Variants in CYP4F22 observed in about 807,000 individuals in gnomAD.
The protein encoded by CYP4F22 is cytochrome P450 family 4 subfamily F member 22, also known as ultra-long-chain fatty acid omega-hydroxylase.
CYP4F22 carries 37 observed loss-of-function variants against 60.4 expected under a neutral mutation model. The ratio of observed to expected loss-of-function variants is 0.61; its 90% CI spans 0.47 to 0.81. CYP4F22 has a LOEUF of 0.81. CYP4F22 is among the 30% of genes least tolerant of loss of function. The pLI, the probability that CYP4F22 is intolerant of heterozygous loss-of-function variation, is 0.00. For synonymous variants in CYP4F22, 258 were observed against 280.5 expected (o/e 0.92, Z 0.80); for missense variants, 655 against 715.0 (o/e 0.92, Z 0.96).
At chr19:15,532,958 G>A (rs950993964) in intron 4 of CYP4F22, among the ~76,000 whole-genome samples, 6 of 152,270 alleles carry the variant, frequency 3.9e-5, no homozygotes, top group African/African-American at 1.4e-4. Flanking sequence ...TGGCCCCAGG[G>A]TGCCCCCACC....
At chr19:15,515,392 G>C in intron 1 of CYP4F22, 1 of 1,237,098 alleles carries the variant, frequency 8.1e-7, no homozygotes, top group Non-Finnish European at 1.2e-6. Flanking sequence ...TGGCATCTCT[G>C]TACTTTGTTG....
intron 10 of CYP4F22, among the ~76,000 whole-genome samples, chr19:15,545,671 A>AAC (rs1971517052): frequency 2.4e-5 from 1 of 41,406 alleles, no homozygotes; most frequent in Non-Finnish European, 4.6e-5. Context: ...AAAAAAAAAA[A>AAC]GAAAAGAAAA....
At chr19:15,513,090 C>T (rs1431302129) in intron 1 of CYP4F22, among the ~76,000 whole-genome samples, 3 of 152,026 alleles carry the variant, frequency 2.0e-5, no homozygotes, top group South Asian at 2.1e-4. Flanking sequence ...CCAGTGTAAA[C>T]GATGAATGGA....
intron 1 of CYP4F22, among the ~76,000 whole-genome samples, chr19:15,519,744 T>G (rs1284201540): frequency 6.6e-6 from 1 of 152,100 alleles, no homozygotes; most frequent in Non-Finnish European, 1.5e-5. Flanking sequence ...AGGTGGCTCC[T>G]GGGGGTGGAT....
rs1971499335 is a variant in CYP4F22 at position 15,544,391 on chromosome 19, T to C, written c.1136+112T>C. The stretch of plus-strand genomic sequence containing the variant: ...TGACCTCAGACAAGCCACTTTAGCT[T>C]CCTGAATTGCAATTTCTTCAGCTAC... On this transcript the variant is annotated intron_variant, in intron 10 of 13. Coordinates refer to ENST00000269703, the MANE Select transcript of CYP4F22 (RefSeq NM_173483.4). 4.6e-6 allele frequency: 6 copies of C among 1,303,814 alleles called. No individual in the cohort carries two copies. The Middle Eastern group carries it at 7.8e-4, about 170-fold the overall frequency. The allele number at this position is 1,303,814 out of a possible 1,614,324, so 80.8% of individuals were successfully genotyped here. A position where few individuals can be genotyped will look rare whatever the true frequency, so the allele number is the denominator to read the frequency against.
At chr19:15,539,942 A>G (rs995338671) in intron 7 of CYP4F22, among the ~76,000 whole-genome samples, 2 of 152,180 alleles carry the variant, frequency 1.3e-5, no homozygotes, top group Non-Finnish European at 2.9e-5. Context: ...TTCTTTGGAG[A>G]AATGCCTATT....
chr19:15,514,526 A>T (rs573220850), intron 1 of CYP4F22, among the ~76,000 whole-genome samples: 19 of 152,226 alleles, frequency 1.2e-4, no homozygotes, highest in South Asian at 4.1e-4. Flanking sequence ...TCTCTATTAA[A>T]AGTACAAAAA....
At chr19:15,543,489 G>C (rs1971486729) in intron 8 of CYP4F22, among the ~76,000 whole-genome samples, 1 of 152,060 alleles carries the variant, frequency 6.6e-6, no homozygotes. Flanking sequence ...ACCATGCTGG[G>C]CACTTTCCAT....
intron 1 of CYP4F22, among the ~76,000 whole-genome samples, chr19:15,510,982 T>C (rs1348687796): frequency 4.0e-4 from 50 of 126,126 alleles, no homozygotes; most frequent in Non-Finnish European, 7.9e-4. Context: ...TTTTTTTTTT[T>C]TGAGATGGAG....
chr19:15,550,988 C>T (rs956031052), intron 13 of CYP4F22, among the ~76,000 whole-genome samples: 3 of 152,152 alleles, frequency 2.0e-5, no homozygotes, highest in Non-Finnish European at 2.9e-5. Flanking sequence ...CTCCCACGCT[C>T]CCATTGGCTC....
chr19:15,517,802 G>A (rs761089066), intron 1 of CYP4F22, among the ~76,000 whole-genome samples: 21 of 152,160 alleles, frequency 1.4e-4, no homozygotes, highest in Non-Finnish European at 2.9e-4. Flanking sequence ...GTGCAAAGGA[G>A]TGGACCATCA....
Position 15,538,033 on chromosome 19 carries a change from C to T in CYP4F22, c.671+40C>T, listed in dbSNP as rs1421748636. 5.0e-6 allele frequency: 8 copies of T among 1,613,016 alleles called. No homozygotes were observed. In the South Asian group the frequency reaches 8.8e-5, roughly 18 times the overall value. ...TCTTGGGAAGATGGAGCCAGCTGCT[C>T]TAGGAGCAAGATGGTGGCAGGAGAA... On this transcript the variant is annotated intron_variant, in intron 7 of 13. Transcript: ENST00000269703.
chr19:15,537,743 T>G, intron 6 of CYP4F22, 81 bp downstream of exon 6: 1 of 1,607,156 alleles, frequency 6.2e-7, no homozygotes, highest in Non-Finnish European at 8.5e-7. Flanking sequence ...GGGCAAGCCA[T>G]GTGATGTCAG....
intron 6 of CYP4F22, 52 bp from the exon 7 acceptor site, chr19:15,537,820 T>C: frequency 6.2e-7 from 1 of 1,612,340 alleles, no homozygotes; most frequent in East Asian, 2.2e-5. Flanking sequence ...CTTGTTAGGC[T>C]GACTCCCTCT....
intron 7 of CYP4F22, among the ~76,000 whole-genome samples, chr19:15,540,189 T>G (rs1971441354): frequency 6.6e-6 from 1 of 152,128 alleles, no homozygotes; most frequent in East Asian, 1.9e-4. Flanking sequence ...ACCCAGCACT[T>G]TGGGAGGCCA....
intron 4 of CYP4F22, among the ~76,000 whole-genome samples, chr19:15,532,710 T>G (rs1971356874): frequency 6.6e-6 from 1 of 151,934 alleles, no homozygotes; most frequent in South Asian, 2.1e-4. Flanking sequence ...TCCTCCCTTC[T>G]CCTCCCCCTC....
intron 1 of CYP4F22, among the ~76,000 whole-genome samples, chr19:15,513,968 T>C (rs1485374240): frequency 6.6e-6 from 1 of 152,226 alleles, no homozygotes; most frequent in Non-Finnish European, 1.5e-5. Context: ...GATCATATCC[T>C]GTAGTGTAGT....
Position 15,551,700 on chromosome 19 carries a change from C to A in CYP4F22, c.*229C>A. ...CGCCCCTTGAGGCTTAGGTCCCGCC[C>A]CCTGACTTCTCGCACCTGTCCTGTT... On this transcript the variant is annotated 3_prime_UTR_variant, in exon 14 of 14. Transcript: ENST00000269703. The A allele has an allele frequency of 1.6e-6, 1 of 610,338 alleles. No homozygotes were observed. The highest frequency in any genetic ancestry group is 2.9e-6 in the Non-Finnish European group (1 of 348,252). The allele number at this position is 610,338 out of a possible 1,614,324, so 37.8% of individuals were successfully genotyped here.
rs759079561 is a variant in CYP4F22, at chr19:15,549,093, G to C, written c.1271-45G>C. On this transcript the variant is annotated intron_variant, in intron 11 of 13. Coordinates refer to ENST00000269703, the MANE Select transcript of CYP4F22 (RefSeq NM_173483.4). Reference sequence around the variant, plus strand: ...CAAGTTGGGGGATGTTTCTGGAGGAGGCCCTGGCTCCCCTTGGCCCCACTG... The same window carrying C: ...CAAGTTGGGGGATGTTTCTGGAGGACGCCCTGGCTCCCCTTGGCCCCACTG... 3.7e-6 allele frequency: 6 copies of C among 1,609,670 alleles called. 1 individual carries two copies. The highest frequency in any genetic ancestry group is 3.4e-6 in the Non-Finnish European group (4 of 1,176,116).
Sources: allele counts gnomAD v4.1 joint callset (sites outside exome capture counted in the v4.1 genomes callset), GRCh38; gene constraint gnomAD v4.1.1; transcripts MANE v1.5; gene names NCBI Gene and HGNC (gene_info 2026-07-23, HGNC 2026-07-21).